Variants in AACS observed in about 807,000 individuals in gnomAD.
AACS encodes acetoacetate-CoA ligase.
A neutral mutation model predicts 83.1 loss-of-function variants in AACS; 69 were observed. The observed-to-expected ratio is 0.83, with a 90% confidence interval of 0.68 to 1.01. AACS has a LOEUF of 1.01. Among genes scored for constraint, AACS ranks in the 50% least tolerant of loss-of-function variants. The pLI is 0.00. For missense variants in AACS, 866 were observed against 882.2 expected (o/e 0.98, Z 0.23); for synonymous variants, 333 against 343.4 (o/e 0.97, Z 0.33).
At chr12:125,137,849 A>G (rs1383735099) in intron 17 of AACS, among the ~76,000 whole-genome samples, 1 of 152,070 alleles carries the variant, frequency 6.6e-6, no homozygotes, top group Non-Finnish European at 1.5e-5. Context: ...GGGAGCACAC[A>G]CTCACTGGGT....
chr12:125,104,979 A>G (rs1006308493), intron 7 of AACS, among the ~76,000 whole-genome samples: 10 of 124,786 alleles, frequency 8.0e-5, no homozygotes, highest in South Asian at 2.9e-4. Context: ...GGCACTTTAC[A>G]TGGGAAAGCA....
chr12:125,090,007 C>A, intron 4 of AACS, among the ~76,000 whole-genome samples: 1 of 33,386 alleles, frequency 3.0e-5, no homozygotes, highest in Non-Finnish European at 6.9e-5. Context: ...ATCCAACTAT[C>A]CATCCATCCA....
chr12:125,067,950 G>A (rs1166250489), intron 1 of AACS, among the ~76,000 whole-genome samples: 4 of 152,224 alleles, frequency 2.6e-5, no homozygotes, highest in Non-Finnish European at 4.4e-5. Flanking sequence ...CAGGACCTGA[G>A]TCATTGAGTG....
chr12:125,076,490 G>A lies in AACS; in HGVS notation c.238-1G>A. 1.2e-6 allele frequency: 2 copies of A among 1,614,060 alleles called. No individual in the cohort carries two copies. Among genetic ancestry groups the A allele is most frequent in the Non-Finnish European group, 1.7e-6 (2 of 1,179,926 alleles). ...TCTTGGTTTGTTGTCATTCTCTATA[G>A]GTTGTGGACACATCGAAAGGAATCG... On this transcript the variant is annotated splice_acceptor_variant, in intron 2 of 17. Coordinates refer to ENST00000316519, the MANE Select transcript of AACS (RefSeq NM_023928.5). LOFTEE classifies it high-confidence loss of function.
intron 4 of AACS, among the ~76,000 whole-genome samples, chr12:125,090,679 CCATT>C (rs1440027892): frequency 1.3e-5 from 2 of 151,380 alleles, no homozygotes; most frequent in East Asian, 3.9e-4. Flanking sequence ...TGTCATCCGT[CCATT>C]CATTCATCCA....
chr12:125,077,314 T>C (rs1361096319), intron 3 of AACS, among the ~76,000 whole-genome samples: 1 of 151,928 alleles, frequency 6.6e-6, no homozygotes, highest in Non-Finnish European at 1.5e-5. Flanking sequence ...ATCGAGACTG[T>C]CCTGGCTAAC....
At chr12:125,073,007 ATCC>A (rs1301784319) in intron 1 of AACS, among the ~76,000 whole-genome samples, 1 of 133,344 alleles carries the variant, frequency 7.5e-6, no homozygotes, top group Non-Finnish European at 1.5e-5. Context: ...GGCTCACTTC[ATCC>A]TCGGCCTCCC....
rs1957298972 is a variant in AACS, at chr12:125,129,527, C to G, written c.1549+67C>G. On this transcript the variant is annotated intron_variant, in intron 14 of 17. Coordinates refer to ENST00000316519, the MANE Select transcript of AACS (RefSeq NM_023928.5). This position sits in a 1 kb window ranked among gnomAD's most constrained non-coding sequence, Gnocchi z 4.3. Reference sequence around the variant, plus strand: ...TTGGCTGGGCCTTCTGTGTCTAATTCTGTACCATCGTGCCCCTCCCCTCTT... The same window carrying G: ...TTGGCTGGGCCTTCTGTGTCTAATTGTGTACCATCGTGCCCCTCCCCTCTT... The G allele has an allele frequency of 6.4e-7, 1 of 1,565,848 alleles. No individual in the cohort carries two copies. Among genetic ancestry groups the G allele is most frequent in the East Asian group, 2.3e-5 (1 of 43,506 alleles).
At position 125,118,669 on chromosome 12, in the gene AACS, T is replaced by G. The variant is rs1196462870; in HGVS notation, c.1025T>G (p.Val342Gly). ...TVGWMMWNWMVSLLATGAAMV... is the reference protein window; with the variant it reads ...TVGWMMWNWMGSLLATGAAMV... ...GGCTGGATGATGTGGAACTGGATGG[T>G]GTCCCTTCTGGCCACAGGAGCGGCC... The change falls in exon 10 of 18, where the codon GTG becomes GGG. Residue 342 changes from valine (V) to glycine (G), a missense_variant. Transcript: ENST00000316519. 1 of 1,614,102 alleles carries G rather than the reference T, an allele frequency of 6.2e-7. No individual in the cohort carries two copies. Among genetic ancestry groups the G allele is most frequent in the South Asian group, 1.1e-5 (1 of 91,060 alleles).
In AACS at chr12:125,136,693, G is replaced by C; in HGVS notation, c.1710G>C (p.Leu570=). ...VESFEEVEDS[L]CVPQYNKYRE... ...CCTTCGAGGAGGTGGAGGACAGCCT[G>C]TGTGTCCCCCAGTATAACAAGTACA... Residue 570 remains leucine (L), a synonymous_variant, in exon 17 of 18, where the codon CTG becomes CTC. Transcript: ENST00000316519. 1 of 1,614,110 alleles carries C rather than the reference G, an allele frequency of 6.2e-7. No individual in the cohort carries two copies.
chr12:125,127,177 C>T lies in AACS; in HGVS notation c.1310-984C>T, dbSNP rs149789867. ...GTGCCATTTGCCCGAAGCCTGAGGC[C>T]GACCCCTCAGCCTTCCTCCCCACCG... On this transcript the variant is annotated intron_variant, in intron 12 of 17. Coordinates refer to ENST00000316519, the MANE Select transcript of AACS (RefSeq NM_023928.5). 433 of 152,194 alleles carry T rather than the reference C, an allele frequency of 2.8e-3. 7 individuals are homozygous for T. The highest frequency in any genetic ancestry group is 0.027 in the South Asian group (128 of 4,816). 9.4% of individuals were successfully genotyped at this position (152,194 alleles called of 1,614,324 possible).
intron 10 of AACS, chr12:125,122,358 A>G (rs1957166503): frequency 1.3e-5 from 2 of 152,234 alleles, no homozygotes; most frequent in Admixed American, 1.3e-4. Context: ...AGTGTAGGCC[A>G]GGCGTGGTGG....
intron 9 of AACS, among the ~76,000 whole-genome samples, chr12:125,115,751 C>G (rs1355677846): frequency 6.6e-6 from 1 of 151,966 alleles, no homozygotes; most frequent in African/African-American, 2.4e-5. Flanking sequence ...CACACAGGTG[C>G]AGGAGACTGT....
In AACS at chr12:125,102,712, A is replaced by G. The variant is rs752349496; in HGVS notation, c.604A>G (p.Lys202Glu). ...VLDRFSQIQP[K>E]LIFSVEAVVY... ...GGACCGGTTTTCTCAAATTCAGCCA[A>G]AGCTCATCTTCTCTGTGGAGGCTGT... Residue 202 changes from lysine (K) to glutamate (E), a missense_variant, in exon 6 of 18, where the codon AAG (lysine) becomes GAG (glutamate). Transcript: ENST00000316519. The G allele has an allele frequency of 9.9e-6, 16 of 1,613,978 alleles. No individual in the cohort carries two copies. Among genetic ancestry groups the G allele is most frequent in the Admixed American group, 1.7e-5 (1 of 59,998 alleles).
At chr12:125,100,143 G>T (rs1208554878) in intron 5 of AACS, among the ~76,000 whole-genome samples, 1 of 152,124 alleles carries the variant, frequency 6.6e-6, no homozygotes, top group South Asian at 2.1e-4. Context: ...AGCCTCCCAC[G>T]TAGCTGGGAT....
At position 125,134,805 on chromosome 12, in the gene AACS, T is replaced by C. The variant is rs529806585; in HGVS notation, c.1631T>C (p.Leu544Pro). The C allele has an allele frequency of 6.2e-7, 1 of 1,614,172 alleles. No individual in the cohort carries two copies. The highest frequency in any genetic ancestry group is 1.3e-5 in the African/African-American group (1 of 75,048). The change falls in exon 16 of 18, where the codon CTC becomes CCC. Residue 544 changes from leucine to proline, a missense_variant. Transcript: ENST00000316519. ...IVMLGRSDGT[L>P]NPNGVRFGSS... ...TTCTCTCTTTCCAGTGACGGCACCC[T>C]CAACCCCAACGGGGTGCGGTTCGGC...
At position 125,113,897 on chromosome 12, in the gene AACS, G is replaced by A. The variant is rs1956999422; in HGVS notation, c.916-580G>A. ...AAATTAAAAGGTAATAGGGCATAGT[G>A]GGTGGGAGGGAGCGGTTCTGCTTGG... On this transcript the variant is annotated intron_variant, in intron 8 of 17. Transcript: ENST00000316519. The surrounding 1 kb of genome is among the most constrained non-coding windows in gnomAD (Gnocchi z 4.8). Among the ~76,000 whole-genome samples, 1 of 152,152 alleles carries A rather than the reference G, an allele frequency of 6.6e-6. No homozygotes were observed. Among genetic ancestry groups the A allele is most frequent in the South Asian group, 2.1e-4 (1 of 4,824 alleles).
intron 3 of AACS, among the ~76,000 whole-genome samples, chr12:125,085,920 G>A (rs892401949): frequency 1.3e-5 from 2 of 152,220 alleles, no homozygotes; most frequent in African/African-American, 2.4e-5. Flanking sequence ...CTCCCAAGTA[G>A]CTGGGACTAC....
At chr12:125,117,099 G>A (rs1313430052) in intron 9 of AACS, among the ~76,000 whole-genome samples, 1 of 151,988 alleles carries the variant, frequency 6.6e-6, no homozygotes, top group African/African-American at 2.4e-5. Flanking sequence ...ACTCCACCAT[G>A]CCTGGCTAAT....
Sources: gnomAD v4.1 joint callset for allele counts (sites outside exome capture counted in the v4.1 genomes callset) on GRCh38, gnomAD v4.1.1 for gene constraint, Gnocchi (gnomAD v3.1) non-coding constraint, MANE v1.5 for transcripts, NCBI Gene and HGNC (gene_info 2026-07-23, HGNC 2026-07-21) for gene names.